Variants in BLZF1 observed in about 807,000 individuals in gnomAD.
BLZF1 encodes the protein basic leucine zipper nuclear factor 1, also known as golgin-45.
A neutral mutation model predicts 43.8 loss-of-function variants in BLZF1; 39 were observed. The observed-to-expected ratio is 0.89, with a 90% CI of 0.69 to 1.16. The LOEUF is 1.16. BLZF1 is among the 50% of genes most tolerant of loss of function. The pLI is 0.00. For synonymous variants in BLZF1, 136 were observed against 159.4 expected (o/e 0.85, Z 1.11); for missense variants, 449 against 469.8 (o/e 0.96, Z 0.41).
At chr1:169,378,241 C>T in intron 3 of BLZF1, 89 bp from the exon 4 acceptor site, 1 of 1,315,054 alleles carries the variant, frequency 7.6e-7, no homozygotes, top group Non-Finnish European at 1.1e-6. Flanking sequence ...CAAAATTACA[C>T]AGAAACACAG....
chr1:169,378,186 A>G (rs1654422318), intron 3 of BLZF1, 144 bp from the exon 4 acceptor site: 1 of 693,288 alleles, frequency 1.4e-6, no homozygotes. Context: ...TGGAACTTAA[A>G]TATTTAATTT....
intron 2 of BLZF1, among the ~76,000 whole-genome samples, chr1:169,371,093 GATC>G (rs1654105482): frequency 6.6e-6 from 1 of 152,140 alleles, no homozygotes; most frequent in Non-Finnish European, 1.5e-5. Context: ...AAGGAAGAAA[GATC>G]ATGCTAATAA....
intron 3 of BLZF1, 43 bp downstream of exon 3, chr1:169,377,022 G>T (rs78043796): frequency 2.7e-6 from 4 of 1,489,808 alleles, no homozygotes; most frequent in South Asian, 1.2e-5. Context: ...TACTCTTTAC[G>T]TCTGGACCTT....
chr1:169,384,229 A>G (rs1430184115), intron 6 of BLZF1, among the ~76,000 whole-genome samples: 1 of 152,184 alleles, frequency 6.6e-6, no homozygotes, highest in Non-Finnish European at 1.5e-5. Flanking sequence ...TAATTTCTCA[A>G]TAAATGGTAG....
chr1:169,384,156 A>G (rs1453025934), intron 6 of BLZF1, among the ~76,000 whole-genome samples: 1 of 151,980 alleles, frequency 6.6e-6, no homozygotes, highest in Non-Finnish European at 1.5e-5. Context: ...CCTACTCTAT[A>G]GTGCTGTTTT....
At chr1:169,372,283 A>G (rs1349979716) in intron 2 of BLZF1, among the ~76,000 whole-genome samples, 1 of 152,166 alleles carries the variant, frequency 6.6e-6, no homozygotes, top group Non-Finnish European at 1.5e-5. Flanking sequence ...CTGAATTTGT[A>G]TATGTTCTGG....
chr1:169,370,146 G>A (rs1654062484), intron 2 of BLZF1, among the ~76,000 whole-genome samples: 3 of 152,084 alleles, frequency 2.0e-5, no homozygotes, highest in African/African-American at 7.2e-5. Context: ...ATATTCACAT[G>A]GCATTCTCCC....
intron 6 of BLZF1, among the ~76,000 whole-genome samples, chr1:169,385,869 AC>A (rs1427185768): frequency 6.6e-6 from 1 of 152,200 alleles, no homozygotes; most frequent in African/African-American, 2.4e-5. Context: ...GGCATCACCA[AC>A]CATTCCAGAA....
chr1:169,393,033 T>C (rs1411728103), downstream of BLZF1, among the ~76,000 whole-genome samples: 1 of 152,126 alleles, frequency 6.6e-6, no homozygotes, highest in Non-Finnish European at 1.5e-5. Flanking sequence ...GGACCTATTA[T>C]TTGCAATTGA....
rs746276207 is a variant in BLZF1 at position 169,387,215 on chromosome 1, TC to T, written c.*35del. 3.2e-6 allele frequency: 5 copies of T among 1,581,468 alleles called. No individual in the cohort carries two copies. In the Admixed American group the frequency reaches 9.2e-5, roughly 29 times the overall value. On this transcript the variant is annotated 3_prime_UTR_variant, in exon 7 of 7. Coordinates refer to ENST00000367808, the MANE Select transcript of BLZF1 (RefSeq NM_001320973.2). ...TATGTTGGAGGCATGCTAAGGTACT[TC>T]CTTATTACCCAAGAGTCATTATTAT...
At chr1:169,381,966 T>C (rs1385453994) in intron 5 of BLZF1, 96 bp from the exon 6 acceptor site, 10 of 939,394 alleles carry the variant, frequency 1.1e-5, no homozygotes, top group African/African-American at 6.7e-5. Context: ...AAAGATGTTA[T>C]ATAATTTCAG....
At chr1:169,385,098 T>C (rs7534737) in intron 6 of BLZF1, among the ~76,000 whole-genome samples, 81,193 of 152,026 alleles carry the variant, frequency 0.53, 22,519 homozygotes, top group Non-Finnish European at 0.6. Flanking sequence ...TCTCGAACTA[T>C]TCTTTCCGAG....
intron 2 of BLZF1, among the ~76,000 whole-genome samples, 199 bp from the exon 3 acceptor site, chr1:169,376,341 A>G (rs1209578462): frequency 2.0e-5 from 3 of 152,216 alleles, no homozygotes; most frequent in Admixed American, 2.0e-4. Flanking sequence ...TCTGATTCCA[A>G]ATCTCTTGTC....
chr1:169,390,762 C>CA (rs1339717303), downstream of BLZF1, among the ~76,000 whole-genome samples: 1 of 152,070 alleles, frequency 6.6e-6, no homozygotes, highest in Non-Finnish European at 1.5e-5. Flanking sequence ...TTAAAAAACC[C>CA]AGAGTAGCTT....
chr1:169,383,628 T>C (rs1366555025), intron 6 of BLZF1, among the ~76,000 whole-genome samples: 2 of 152,216 alleles, frequency 1.3e-5, no homozygotes, highest in East Asian at 3.8e-4. Context: ...TACTATCATA[T>C]TATACTGTAT....
chr1:169,378,355 T>C lies in BLZF1; in HGVS notation c.494T>C (p.Leu165Pro). 6.2e-7 allele frequency: 1 copy of C among 1,612,682 alleles called. No homozygotes were observed. The highest frequency in any genetic ancestry group is 8.5e-7 in the Non-Finnish European group (1 of 1,178,972). Residue 165 changes from leucine (L) to proline (P), a missense_variant, in exon 4 of 7, where the codon CTG (leucine) becomes CCG (proline). Leu to Pro is a moderately conservative substitution (Grantham distance 98). Coordinates refer to ENST00000367808, the MANE Select transcript of BLZF1 (RefSeq NM_001320973.2). ...GTAAATCGTGAGTTAAAAAAGTTACTGGTGGCTTCTGTTGGGGATGATCTT... is the reference window on the plus strand; with the variant it reads ...GTAAATCGTGAGTTAAAAAAGTTACCGGTGGCTTCTGTTGGGGATGATCTT... Reference protein sequence around the residue: ...TEVNRELKKLLVASVGDDLQY... With the variant: ...TEVNRELKKLPVASVGDDLQY...
intron 2 of BLZF1, 132 bp downstream of exon 2, chr1:169,369,682 T>G (rs1174021613): frequency 4.7e-6 from 3 of 637,074 alleles, no homozygotes; most frequent in Non-Finnish European, 8.2e-6. Context: ...TTTATGTTTA[T>G]TTTTTAGTGC....
At chr1:169,378,150 TAGAG>T (rs1318894742) in intron 3 of BLZF1, among the ~76,000 whole-genome samples, 176 bp from the exon 4 acceptor site, 1 of 151,904 alleles carries the variant, frequency 6.6e-6, no homozygotes, top group Non-Finnish European at 1.5e-5. Context: ...TGGAGAGAAG[TAGAG>T]AGAGATGGTT....
chr1:169,383,491 T>C (rs1370098790), intron 6 of BLZF1, among the ~76,000 whole-genome samples: 2 of 152,320 alleles, frequency 1.3e-5, no homozygotes, highest in East Asian at 1.9e-4. Flanking sequence ...CCAAGAATCT[T>C]GGACAAGTTG....
Sources: gnomAD v4.1 joint callset for allele counts (sites outside exome capture counted in the v4.1 genomes callset) on GRCh38, gnomAD v4.1.1 for gene constraint, MANE v1.5 for transcripts, NCBI Gene and HGNC (gene_info 2026-07-23, HGNC 2026-07-21) for gene names.